The following CACNA1B variants were observed in gnomAD, a reference collection of about 807,000 sequenced individuals.
CACNA1B encodes voltage-dependent N-type calcium channel subunit alpha-1B.
A neutral mutation model predicts 247.2 loss-of-function variants in CACNA1B; 70 were observed. The ratio of observed to expected loss-of-function variants is 0.28; its 90% CI spans 0.23 to 0.35. The LOEUF is 0.35. Ranked by LOEUF, CACNA1B falls within the 10% of genes least tolerant of loss-of-function variation. CACNA1B has a pLI of 1.00. For synonymous variants in CACNA1B, 1,231 were observed against 1,294.4 expected (o/e 0.95, Z 1.05); for missense variants, 2,367 against 3,197.4 (o/e 0.74, Z 6.26).
At chr9:137,926,590 G>C (rs1417556116) in intron 6 of CACNA1B, among the ~76,000 whole-genome samples, 1 of 152,168 alleles carries the variant, frequency 6.6e-6, no homozygotes, top group East Asian at 1.9e-4. Flanking sequence ...ACATTTTTAA[G>C]TTCATGAGGA....
chr9:137,982,193 A>C (rs754909661), intron 12 of CACNA1B, among the ~76,000 whole-genome samples: 1 of 152,198 alleles, frequency 6.6e-6, no homozygotes, highest in Non-Finnish European at 1.5e-5. Flanking sequence ...GTCTCTAGTG[A>C]GGCTGCAGTC....
chr9:137,956,772 G>A lies in CACNA1B; in HGVS notation c.1188G>A (p.Glu396=). The A allele has an allele frequency of 1.2e-6, 2 of 1,613,760 alleles. No homozygotes were observed. The highest frequency in any genetic ancestry group is 1.7e-6 in the Non-Finnish European group (2 of 1,179,728). ...NGYLEWIFKA[E]EVMLAEEDRN... ...CCTGAGGCTGTGTTCCCCTCGCAGA[G>A]GAAGTCATGCTGGCCGAGGAGGACA... Residue 396 remains glutamate, a splice_region_variant and synonymous_variant, in exon 9 of 47, where the codon GAG becomes GAA. Coordinates refer to ENST00000371372, the MANE Select transcript of CACNA1B (RefSeq NM_000718.4).
chr9:138,028,023 C>CTTTTTTT (rs541594878), intron 20 of CACNA1B, among the ~76,000 whole-genome samples: 4 of 98,748 alleles, frequency 4.1e-5, no homozygotes, highest in Non-Finnish European at 5.9e-5. Flanking sequence ...CCCCCCCAAC[C>CTTTTTTT]TTTTTTTTTT....
chr9:137,924,982 C>T (rs1362894934), intron 6 of CACNA1B, among the ~76,000 whole-genome samples: 1 of 152,208 alleles, frequency 6.6e-6, no homozygotes, highest in Non-Finnish European at 1.5e-5. Context: ...GTTCCTGATA[C>T]AGGAAGCTTG....
chr9:137,894,902 G>T (rs1432748306), intron 3 of CACNA1B, among the ~76,000 whole-genome samples: 1 of 152,132 alleles, frequency 6.6e-6, no homozygotes, highest in Non-Finnish European at 1.5e-5. Flanking sequence ...CAATTTGTCC[G>T]TTTTTCCTTT....
chr9:138,093,403 C>CAAAAA (rs58608297), intron 36 of CACNA1B, among the ~76,000 whole-genome samples: 25 of 43,242 alleles, frequency 5.8e-4, no homozygotes, highest in East Asian at 1.1e-3. Flanking sequence ...GACTCTGTCT[C>CAAAAA]AAAAAAAAAA....
intron 36 of CACNA1B, among the ~76,000 whole-genome samples, chr9:138,080,022 C>T (rs922401371): frequency 5.3e-5 from 8 of 152,126 alleles, no homozygotes; most frequent in Admixed American, 2.0e-4. Flanking sequence ...GGAGCACAGC[C>T]GGGACAGAGA....
chr9:137,960,015 A>C (rs1957992478), intron 10 of CACNA1B, among the ~76,000 whole-genome samples: 1 of 151,936 alleles, frequency 6.6e-6, no homozygotes, highest in African/African-American at 2.4e-5. Flanking sequence ...GCCTTTGAGT[A>C]AAAGAGTTGC....
rs1958762714 is a variant in CACNA1B, at chr9:138,014,249, A to G, written c.2267+1014A>G. ...GTGTGTGTGCACTTGAGAGTTGCAC[A>G]GTGAGCATGTGTGTGAGTGCATGTG... is the stretch of plus-strand genomic sequence containing the variant. On this transcript the variant is annotated intron_variant, in intron 18 of 46. Transcript: ENST00000371372. This position sits in a 1 kb window ranked among gnomAD's most constrained non-coding sequence, Gnocchi z 6.2. Among the ~76,000 whole-genome samples the G allele has an allele frequency of 6.6e-6, 1 of 152,162 alleles. No homozygotes were observed. Among genetic ancestry groups the G allele is most frequent in the South Asian group, 2.1e-4 (1 of 4,828 alleles).
chr9:138,101,917 ACT>A lies in CACNA1B; in HGVS notation c.5223-791_5223-790del, dbSNP rs376384850. On this transcript the variant is annotated intron_variant, in intron 37 of 46. Coordinates refer to ENST00000371372, the MANE Select transcript of CACNA1B (RefSeq NM_000718.4). The stretch of plus-strand genomic sequence containing the variant: ...CCTCGTGGCCTCTCTACTTGGGAAG[ACT>A]CTGTCATCGGAGCCTTTAGGTTCCT... 4.0e-4 allele frequency among the ~76,000 whole-genome samples: 60 copies of A among 151,654 alleles called. No homozygotes were observed. The East Asian group carries it at 8.4e-3, about 21-fold the overall frequency.
intron 3 of CACNA1B, among the ~76,000 whole-genome samples, chr9:137,908,719 C>T (rs1957324994): frequency 6.6e-6 from 1 of 151,784 alleles, no homozygotes. Flanking sequence ...CAAGCTCCGC[C>T]TCCTGGGTTC....
chr9:137,886,690 G>A (rs112986846), intron 3 of CACNA1B, among the ~76,000 whole-genome samples: 4 of 151,472 alleles, frequency 2.6e-5, no homozygotes, highest in African/African-American at 4.8e-5. Flanking sequence ...GCGGGTGGAC[G>A]GATGACCAGA....
chr9:138,096,071 T>A (rs1392154340), intron 36 of CACNA1B, among the ~76,000 whole-genome samples: 2 of 152,238 alleles, frequency 1.3e-5, no homozygotes, highest in African/African-American at 4.8e-5. Context: ...CCCTGAACTG[T>A]ACATTTTAAA....
chr9:138,099,716 CTG>C (rs973046517), intron 37 of CACNA1B, among the ~76,000 whole-genome samples: 2 of 151,876 alleles, frequency 1.3e-5, no homozygotes, highest in African/African-American at 2.4e-5. Flanking sequence ...GTGCACATGT[CTG>C]TGGTGTACAC....
chr9:138,019,814 G>A (rs1958820341), intron 18 of CACNA1B, among the ~76,000 whole-genome samples: 1 of 152,114 alleles, frequency 6.6e-6, no homozygotes, highest in Non-Finnish European at 1.5e-5. Flanking sequence ...AGATGCAGAT[G>A]GTGGCCGGGC....
rs534818535 is a variant in CACNA1B, at chr9:137,930,628, C to G, written c.966+13197C>G. Among the ~76,000 whole-genome samples, 31 of 152,248 alleles carry G rather than the reference C, an allele frequency of 2.0e-4. No individual in the cohort carries two copies. The South Asian group carries it at 3.7e-3, about 18-fold the overall frequency. The stretch of plus-strand genomic sequence containing the variant: ...TTTTGGTTGATGGTGTTGTTGAGCT[C>G]TTTTATATCCTTGCTGGTTTTCTGT... On this transcript the variant is annotated intron_variant, in intron 6 of 46. Coordinates refer to ENST00000371372, the MANE Select transcript of CACNA1B (RefSeq NM_000718.4).
At chr9:137,907,847 T>G (rs1321239840) in intron 3 of CACNA1B, among the ~76,000 whole-genome samples, 2 of 152,218 alleles carry the variant, frequency 1.3e-5, no homozygotes, top group Non-Finnish European at 2.9e-5. Flanking sequence ...CTTAGGTCTT[T>G]GATACACCTG....
chr9:138,049,151 G>C (rs1959209742), intron 23 of CACNA1B, 58 bp from the exon 24 acceptor site: 4 of 1,138,596 alleles, frequency 3.5e-6, no homozygotes, highest in Non-Finnish European at 5.4e-6. Context: ...CTCTGCACCT[G>C]GCCTCTGCCT....
At chr9:138,015,283 A>C (rs548081045) in intron 18 of CACNA1B, among the ~76,000 whole-genome samples, 1 of 152,116 alleles carries the variant, frequency 6.6e-6, no homozygotes, top group Non-Finnish European at 1.5e-5. Flanking sequence ...TGGTTTGGAC[A>C]TGACAGCCAG....
Sources: gnomAD v4.1 joint callset for allele counts (sites outside exome capture counted in the v4.1 genomes callset) on GRCh38, gnomAD v4.1.1 for gene constraint, Gnocchi (gnomAD v3.1) non-coding constraint, MANE v1.5 for transcripts, NCBI Gene and HGNC (gene_info 2026-07-23, HGNC 2026-07-21) for gene names.